Variants in QTGAL observed in about 807,000 individuals in gnomAD.
QTGAL encodes the protein queuosine-tRNA galactosyltransferase, also known as BGnT-like protein 1.
At chr17:82,965,048 G>A in the QTGAL span, among the ~76,000 whole-genome samples, 2 of 148,444 alleles carry the variant, frequency 1.3e-5, no homozygotes, top group Admixed American at 6.7e-5. Flanking sequence ...GGGAGGACGG[G>A]GACATGGACG....
chr17:82,995,940 A>G, the QTGAL span, among the ~76,000 whole-genome samples: 1 of 152,222 alleles, frequency 6.6e-6, no homozygotes, highest in African/African-American at 2.4e-5. Context: ...TCTACGATGA[A>G]AACTATAAAA....
At chr17:83,036,536 G>T in the QTGAL span, among the ~76,000 whole-genome samples, 1 of 152,190 alleles carries the variant, frequency 6.6e-6, no homozygotes, top group Non-Finnish European at 1.5e-5. Flanking sequence ...AAAAATCTCT[G>T]TCTTCAAAGA....
At chr17:83,027,758 C>T in the QTGAL span, among the ~76,000 whole-genome samples, 94 of 142,082 alleles carry the variant, frequency 6.6e-4, no homozygotes, top group African/African-American at 2.1e-3. Context: ...TATCCACAAT[C>T]TATATACCTG....
At chr17:82,944,270 C>G in the QTGAL span, 1 of 152,040 alleles carries the variant, frequency 6.6e-6, no homozygotes, top group Non-Finnish European at 1.5e-5. Context: ...GCCACTGCCT[C>G]TTTCCCACTG....
the QTGAL span, chr17:83,034,951 G>A: frequency 8.6e-7 from 1 of 1,156,434 alleles, no homozygotes; most frequent in Non-Finnish European, 1.3e-6. Context: ...TGATTTTCAA[G>A]AACCGCACTA....
the QTGAL span, among the ~76,000 whole-genome samples, chr17:82,991,066 C>T: frequency 2.0e-5 from 3 of 152,096 alleles, no homozygotes; most frequent in Non-Finnish European, 4.4e-5. Flanking sequence ...TAATCCAGAT[C>T]GTAGATGAAA....
chr17:83,050,158 G>A, the QTGAL span, among the ~76,000 whole-genome samples: 2 of 152,148 alleles, frequency 1.3e-5, no homozygotes, highest in African/African-American at 4.8e-5. Context: ...ATCATCTGAT[G>A]TCGGGAGTTC....
At chr17:83,042,419 G>A in the QTGAL span, among the ~76,000 whole-genome samples, 1 of 150,364 alleles carries the variant, frequency 6.7e-6, no homozygotes, top group Non-Finnish European at 1.5e-5. Flanking sequence ...CTACATTCAT[G>A]AAAATAATTT....
At chr17:82,970,913 C>A in the QTGAL span, among the ~76,000 whole-genome samples, 3 of 152,180 alleles carry the variant, frequency 2.0e-5, no homozygotes, top group Admixed American at 2.0e-4. Context: ...TGCTTTAACC[C>A]GGGTGGAGAG....
At chr17:83,034,658 G>A in the QTGAL span, among the ~76,000 whole-genome samples, 27 of 152,332 alleles carry the variant, frequency 1.8e-4, no homozygotes, top group African/African-American at 6.3e-4. Flanking sequence ...GGAGGGCCCC[G>A]GTGGGAGGCC....
At chr17:82,989,764 A>C in the QTGAL span, among the ~76,000 whole-genome samples, 1 of 152,366 alleles carries the variant, frequency 6.6e-6, no homozygotes, top group Admixed American at 6.5e-5. Context: ...GTGAAACACA[A>C]GCATAGTGAT....
chr17:83,005,427 G>T, the QTGAL span: 2 of 620,058 alleles, frequency 3.2e-6, no homozygotes, highest in South Asian at 1.9e-5. The surrounding 1 kb of genome is among the most constrained non-coding windows in gnomAD (Gnocchi z 5.6). Context: ...CGATGGGCAC[G>T]ACAGAAGACG....
chr17:83,038,777 A>G, the QTGAL span, among the ~76,000 whole-genome samples: 1 of 151,996 alleles, frequency 6.6e-6, no homozygotes, highest in Non-Finnish European at 1.5e-5. Context: ...GAGAATGGCG[A>G]GAACCTGGGA....
chr17:82,948,539 T>TA, the QTGAL span: 1 of 152,250 alleles, frequency 6.6e-6, no homozygotes, highest in African/African-American at 2.4e-5. Flanking sequence ...TGCACAGCGA[T>TA]ACGCACACAC....
the QTGAL span, among the ~76,000 whole-genome samples, chr17:82,993,342 G>C: frequency 2.6e-5 from 4 of 152,000 alleles, no homozygotes; most frequent in Non-Finnish European, 5.9e-5. Context: ...GTCTATCTCA[G>C]ATGAAATAGA....
At chr17:83,002,665 A>G in the QTGAL span, among the ~76,000 whole-genome samples, 1 of 152,180 alleles carries the variant, frequency 6.6e-6, no homozygotes, top group Non-Finnish European at 1.5e-5. Context: ...GACGGCAGCC[A>G]GTCATACCCG....
chr17:83,044,488 A>G, the QTGAL span, among the ~76,000 whole-genome samples: 1 of 152,254 alleles, frequency 6.6e-6, no homozygotes, highest in Non-Finnish European at 1.5e-5. Flanking sequence ...AAACCTCCTT[A>G]GCGTAAGAAA....
chr17:83,046,588 T>C, the QTGAL span, among the ~76,000 whole-genome samples: 5 of 152,198 alleles, frequency 3.3e-5, no homozygotes, highest in South Asian at 2.1e-4. Context: ...CAAGTGTTGA[T>C]GAGGATATGT....
the QTGAL span, among the ~76,000 whole-genome samples, chr17:83,043,703 A>T: frequency 6.6e-6 from 1 of 152,226 alleles, no homozygotes; most frequent in Non-Finnish European, 1.5e-5. Flanking sequence ...AACAATAGCA[A>T]ATCAACAAAA....
Sources: allele counts gnomAD v4.1 joint callset (sites outside exome capture counted in the v4.1 genomes callset), GRCh38; gene constraint gnomAD v4.1.1; non-coding constraint Gnocchi (gnomAD v3.1); transcripts MANE v1.5; gene names NCBI Gene and HGNC (gene_info 2026-07-23, HGNC 2026-07-21).